Variants in GABBR2 observed in about 807,000 individuals in gnomAD.
The protein encoded by GABBR2 is G-protein coupled receptor 51.
Under a neutral mutation model 105.6 loss-of-function variants are expected in GABBR2, and 23 were observed. The ratio of observed to expected loss-of-function variants is 0.22; its 90% CI spans 0.16 to 0.31. GABBR2 has a LOEUF of 0.31. GABBR2 is among the 10% of genes least tolerant of loss of function. The pLI is 1.00. For missense variants in GABBR2, 734 were observed against 1,245.5 expected, an observed-to-expected ratio of 0.59 and a Z score of 6.18; for synonymous variants, 478 against 499.7, an observed-to-expected ratio of 0.96 and a Z score of 0.58.
intron 1 of GABBR2, among the ~76,000 whole-genome samples, chr9:98,622,906 T>C (rs1829688724): frequency 6.6e-6 from 1 of 152,180 alleles, no homozygotes; most frequent in Non-Finnish European, 1.5e-5. Flanking sequence ...TATGTATCAT[T>C]ACGTATTTGT....
At chr9:98,381,357 T>C (rs1831972362) in intron 11 of GABBR2, among the ~76,000 whole-genome samples, 1 of 152,212 alleles carries the variant, frequency 6.6e-6, no homozygotes, top group Non-Finnish European at 1.5e-5. Flanking sequence ...TGCTTCTCCT[T>C]GCAGCTCCCC....
chr9:98,509,645 C>T (rs912018580), intron 3 of GABBR2, among the ~76,000 whole-genome samples: 10 of 151,876 alleles, frequency 6.6e-5, no homozygotes, highest in African/African-American at 1.9e-4. Flanking sequence ...GTAGCCAATG[C>T]GATCAACTGG....
At position 98,355,314 on chromosome 9, in the gene GABBR2, C is replaced by T. The variant is rs11559334; in HGVS notation, c.1893+7401G>A. On this transcript the variant is annotated intron_variant, in intron 13 of 18. Coordinates refer to ENST00000259455, the MANE Select transcript of GABBR2 (RefSeq NM_005458.8). ...GACACCGAGACACAAAGTGAGTAAA[C>T]GCTATCAGAAAAAATGGTGCTTATA... 0.012 allele frequency among the ~76,000 whole-genome samples: 1,754 copies of T among 150,816 alleles called. 171 individuals carry two copies. The East Asian group carries it at 0.25, about 21-fold the overall frequency.
chr9:98,506,079 T>C (rs1271599435), intron 3 of GABBR2, among the ~76,000 whole-genome samples: 3 of 152,136 alleles, frequency 2.0e-5, no homozygotes, highest in African/African-American at 4.8e-5. Flanking sequence ...CAAAGATATA[T>C]GGTATTTCTT....
At chr9:98,674,137 T>TCTCCA (rs1331772531) in intron 1 of GABBR2, among the ~76,000 whole-genome samples, 1 of 152,102 alleles carries the variant, frequency 6.6e-6, no homozygotes. Flanking sequence ...CCTTGGCAGT[T>TCTCCA]CTCCACTCCA....
Position 98,295,253 on chromosome 9 carries a change from T to G in GABBR2, c.2543-1351A>C, listed in dbSNP as rs554985376. On this transcript the variant is annotated intron_variant, in intron 17 of 18. Transcript: ENST00000259455. ...GCTGAGGTTGAGCAAGGTGATGCAC[T>G]GCCTTAGCGCTTAGCTTTTATATTG... is the stretch of plus-strand genomic sequence containing the variant. Among the ~76,000 whole-genome samples the G allele has an allele frequency of 1.5e-3, 232 of 152,364 alleles. 1 individual carries two copies. The highest frequency in any genetic ancestry group is 5.1e-3 in the African/African-American group (213 of 41,586).
chr9:98,547,834 G>A lies in GABBR2; in HGVS notation c.460-5791C>T, dbSNP rs1828424974. Among the ~76,000 whole-genome samples the A allele has an allele frequency of 1.6e-5, 2 of 122,326 alleles. 1 individual carries two copies. Among genetic ancestry groups the A allele is most frequent in the Admixed American group, 1.8e-4 (2 of 11,204 alleles). 80.3% of individuals were successfully genotyped at this position (122,326 alleles called of 152,430 possible). On this transcript the variant is annotated intron_variant, in intron 2 of 18. Coordinates refer to ENST00000259455, the MANE Select transcript of GABBR2 (RefSeq NM_005458.8). ...TGATACATAGACATGTTAGCTATTC[G>A]GGTTCTTTGTTCTGTGAGTTGCCTG...
intron 1 of GABBR2, among the ~76,000 whole-genome samples, chr9:98,700,353 A>C (rs938961733): frequency 2.6e-4 from 40 of 152,234 alleles, no homozygotes; most frequent in African/African-American, 8.7e-4. Flanking sequence ...CACCTTTAAG[A>C]CCTGCCACAG....
At chr9:98,527,181 A>C (rs1827978690) in intron 3 of GABBR2, among the ~76,000 whole-genome samples, 1 of 150,960 alleles carries the variant, frequency 6.6e-6, no homozygotes, top group Non-Finnish European at 1.5e-5. Context: ...TAAATGCTTT[A>C]CATGTGTTAG....
chr9:98,624,396 C>G (rs949040551), intron 1 of GABBR2, among the ~76,000 whole-genome samples: 1 of 152,120 alleles, frequency 6.6e-6, no homozygotes, highest in African/African-American at 2.4e-5. Context: ...GCATCTCACC[C>G]CCGTTCCATG....
chr9:98,457,926 T>C (rs1188662544), intron 6 of GABBR2, among the ~76,000 whole-genome samples: 2 of 152,180 alleles, frequency 1.3e-5, no homozygotes, highest in Admixed American at 1.3e-4. Context: ...TTAATTACCA[T>C]CCTCCGAGGT....
chr9:98,408,690 AG>A (rs1348431486), intron 7 of GABBR2, among the ~76,000 whole-genome samples: 1 of 152,230 alleles, frequency 6.6e-6, no homozygotes, highest in Non-Finnish European at 1.5e-5. Context: ...TTTGATTAGG[AG>A]GGATAGCAGA....
chr9:98,473,463 A>G (rs1826726307), intron 5 of GABBR2, 117 bp from the exon 6 acceptor site: 4 of 651,312 alleles, frequency 6.1e-6, no homozygotes, highest in African/African-American at 1.8e-5. Context: ...GGAAATGTTT[A>G]ATTACTTGTT....
intron 2 of GABBR2, among the ~76,000 whole-genome samples, chr9:98,547,262 T>A (rs192869928): frequency 1.0e-4 from 12 of 117,320 alleles, no homozygotes; most frequent in African/African-American, 3.2e-4. Flanking sequence ...AAAAAAAACC[T>A]AATATATATA....
At chr9:98,312,284 A>G (rs1830647798) in intron 13 of GABBR2, among the ~76,000 whole-genome samples, 1 of 152,220 alleles carries the variant, frequency 6.6e-6, no homozygotes, top group African/African-American at 2.4e-5. Context: ...TTTAATCTCA[A>G]ACAATTCTTC....
chr9:98,452,696 T>C (rs1183424109), intron 7 of GABBR2, among the ~76,000 whole-genome samples: 1 of 152,240 alleles, frequency 6.6e-6, no homozygotes. Flanking sequence ...CAAGAAGTAT[T>C]AGCCATATTA....
chr9:98,683,986 C>T (rs28602315), intron 1 of GABBR2, among the ~76,000 whole-genome samples: 12,609 of 129,080 alleles, frequency 0.098, 1,390 homozygotes, highest in African/African-American at 0.27. Context: ...CCAGCCTGGG[C>T]GACAGAGCGA....
At chr9:98,634,545 A>G (rs1311206044) in intron 1 of GABBR2, among the ~76,000 whole-genome samples, 1 of 152,172 alleles carries the variant, frequency 6.6e-6, no homozygotes, top group Non-Finnish European at 1.5e-5. Context: ...TGGTGCCACA[A>G]GCCAAAGAAC....
intron 1 of GABBR2, among the ~76,000 whole-genome samples, chr9:98,640,482 T>C (rs1829945070): frequency 6.6e-6 from 1 of 152,124 alleles, no homozygotes; most frequent in African/African-American, 2.4e-5. Flanking sequence ...ACCACTCTGA[T>C]GCCCCAGGTC....
Sources: allele counts gnomAD v4.1 joint callset (sites outside exome capture counted in the v4.1 genomes callset), GRCh38; gene constraint gnomAD v4.1.1; transcripts MANE v1.5; gene names NCBI Gene and HGNC (gene_info 2026-07-23, HGNC 2026-07-21).